SUPT3H: variants seen among roughly 807,000 people sequenced by gnomAD.
The protein encoded by SUPT3H is transcription initiation protein SPT3 homolog.
In SUPT3H, 44 loss-of-function variants were observed where a neutral mutation model predicts 44.3. The observed-to-expected ratio is 0.99, with a 90% confidence interval of 0.78 to 1.28. SUPT3H has a LOEUF of 1.28. Among genes scored for constraint, SUPT3H ranks in the 50% most tolerant of loss-of-function variants. The pLI, the probability that SUPT3H is intolerant of heterozygous loss-of-function variation, is 0.00. For synonymous variants in SUPT3H, 124 were observed against 125.6 expected (o/e 0.99, Z 0.09); for missense variants, 380 against 387.1 (o/e 0.98, Z 0.15).
intron 3 of SUPT3H, among the ~76,000 whole-genome samples, chr6:45,054,608 G>C (rs1294644061): frequency 6.6e-6 from 1 of 152,076 alleles, no homozygotes; most frequent in Admixed American, 6.5e-5. Context: ...CTTGCAATAA[G>C]TGAGGAAAAG....
At chr6:44,973,833 C>T (rs955492448) in intron 6 of SUPT3H, among the ~76,000 whole-genome samples, 2 of 152,082 alleles carry the variant, frequency 1.3e-5, no homozygotes, top group African/African-American at 2.4e-5. Flanking sequence ...AGAGGAGAAG[C>T]CCCTTATAAA....
intron 10 of SUPT3H, among the ~76,000 whole-genome samples, chr6:44,862,634 C>A (rs138231172): frequency 1.3e-5 from 2 of 149,568 alleles, no homozygotes; most frequent in African/African-American, 4.9e-5. Context: ...GCCAAGATTG[C>A]GCCACTGCAC....
intron 2 of SUPT3H, among the ~76,000 whole-genome samples, chr6:45,244,953 C>T (rs1771076561): frequency 6.6e-6 from 1 of 151,984 alleles, no homozygotes; most frequent in South Asian, 2.1e-4. Flanking sequence ...TAAATACAAC[C>T]AGTTACTAAA....
chr6:45,006,469 GTTTACCACCCCTT>G (rs1350848986), intron 5 of SUPT3H, among the ~76,000 whole-genome samples: 2 of 150,926 alleles, frequency 1.3e-5, no homozygotes, highest in African/African-American at 4.9e-5. Flanking sequence ...TTCTGTTAAC[GTTTACCACCCCTT>G]TTTCCATTTT....
At chr6:44,901,117 T>G (rs1041730958) in intron 10 of SUPT3H, among the ~76,000 whole-genome samples, 1 of 151,508 alleles carries the variant, frequency 6.6e-6, no homozygotes, top group African/African-American at 2.4e-5. Flanking sequence ...TCAGAGCACC[T>G]CTCCTCCTCC....
At chr6:44,885,102 A>T (rs928056479) in intron 10 of SUPT3H, among the ~76,000 whole-genome samples, 1 of 152,218 alleles carries the variant, frequency 6.6e-6, no homozygotes, top group Non-Finnish European at 1.5e-5. Context: ...TAGGTAAACA[A>T]AGCAGCCAGG....
chr6:44,903,691 A>G (rs930084580), intron 10 of SUPT3H, among the ~76,000 whole-genome samples: 3 of 152,228 alleles, frequency 2.0e-5, no homozygotes, highest in African/African-American at 4.8e-5. Flanking sequence ...TGAGGCCAGC[A>G]TCATCCTGAT....
intron 2 of SUPT3H, among the ~76,000 whole-genome samples, chr6:45,193,223 T>G (rs1815435155): frequency 6.6e-6 from 1 of 152,132 alleles, no homozygotes; most frequent in South Asian, 2.1e-4. Flanking sequence ...AAAACCCCAC[T>G]TATATCCATT....
In SUPT3H at chr6:45,205,883, C is replaced by T. The variant is rs1309216942; in HGVS notation, c.102-99877G>A. Among the ~76,000 whole-genome samples, 4 of 152,162 alleles carry T rather than the reference C, an allele frequency of 2.6e-5. No individual in the cohort carries two copies. In the East Asian group the frequency reaches 7.7e-4, roughly 29 times the overall value. ...TAATGGCAGTGCTGAAAACAGACTA[C>T]CAGTTGAGATCAGCTCACTGCCTTT... On this transcript the variant is annotated intron_variant, in intron 2 of 10. Coordinates refer to ENST00000371459, the MANE Select transcript of SUPT3H (RefSeq NM_003599.4).
chr6:44,890,218 A>T (rs992394795), intron 10 of SUPT3H, among the ~76,000 whole-genome samples: 2 of 149,836 alleles, frequency 1.3e-5, no homozygotes, highest in African/African-American at 2.4e-5. Flanking sequence ...TCAGGGATCT[A>T]GAACTAGAAA....
At chr6:44,878,079 T>C (rs1777592853) in intron 10 of SUPT3H, among the ~76,000 whole-genome samples, 1 of 152,214 alleles carries the variant, frequency 6.6e-6, no homozygotes, top group South Asian at 2.1e-4. Context: ...AATGCTAACA[T>C]GGGCCAAACA....
intron 6 of SUPT3H, among the ~76,000 whole-genome samples, chr6:44,988,802 T>C (rs1453447052): frequency 6.6e-6 from 1 of 152,090 alleles, no homozygotes; most frequent in Admixed American, 6.6e-5. Flanking sequence ...TCCACTAATA[T>C]GAGATTGTCT....
At chr6:45,069,264 C>T (rs1392583971) in intron 3 of SUPT3H, among the ~76,000 whole-genome samples, 1 of 152,116 alleles carries the variant, frequency 6.6e-6, no homozygotes, top group African/African-American at 2.4e-5. Flanking sequence ...AAACTTCATG[C>T]AGAACGTGTT....
intron 3 of SUPT3H, among the ~76,000 whole-genome samples, chr6:45,086,419 T>C (rs1013016760): frequency 6.6e-6 from 1 of 151,996 alleles, no homozygotes; most frequent in Non-Finnish European, 1.5e-5. Context: ...GTCTCCCTTT[T>C]TGAAAATTAG....
intron 2 of SUPT3H, among the ~76,000 whole-genome samples, chr6:45,273,870 T>C (rs1343297058): frequency 2.0e-5 from 3 of 152,190 alleles, no homozygotes; most frequent in Non-Finnish European, 2.9e-5. Flanking sequence ...TCTGTATTCA[T>C]TTAACCTCTA....
Position 44,829,753 on chromosome 6 carries a change from C to A in SUPT3H, c.*63G>T, listed in dbSNP as rs1768270917. On this transcript the variant is annotated 3_prime_UTR_variant, in exon 11 of 11. Transcript: ENST00000371459. ...GTAAATTTGTATTTTATTTTGTTCA[C>A]AAGAAATCACCTTAATATAACATTG... 2 of 1,565,026 alleles carry A rather than the reference C, an allele frequency of 1.3e-6. No homozygotes were observed. The highest frequency in any genetic ancestry group is 2.7e-5 in the African/African-American group (2 of 73,120).
At chr6:44,908,154 CTTTTT>C (rs70993481) in intron 10 of SUPT3H, among the ~76,000 whole-genome samples, 1 of 136,960 alleles carries the variant, frequency 7.3e-6, no homozygotes, top group Non-Finnish European at 1.6e-5. Context: ...TTTTTCTTTT[CTTTTT>C]TTTTTTTTTT....
intron 2 of SUPT3H, among the ~76,000 whole-genome samples, chr6:45,319,165 C>T (rs150108977): frequency 1.9e-3 from 285 of 152,170 alleles, no homozygotes; most frequent in African/African-American, 6.4e-3. Flanking sequence ...CTCTCTCAGA[C>T]GAGCTATCTT....
At chr6:44,975,754 G>A (rs1778243725) in intron 6 of SUPT3H, among the ~76,000 whole-genome samples, 1 of 151,938 alleles carries the variant, frequency 6.6e-6, no homozygotes. Context: ...AATATACTTG[G>A]AAAGAGTCCT....
Sources: allele counts gnomAD v4.1 joint callset (sites outside exome capture counted in the v4.1 genomes callset), GRCh38; gene constraint gnomAD v4.1.1; transcripts MANE v1.5; gene names NCBI Gene and HGNC (gene_info 2026-07-23, HGNC 2026-07-21).